Variants in GYS1 observed in about 807,000 individuals in gnomAD.
The protein encoded by GYS1 is glycogen synthase 1, also known as glycogen [starch] synthase, muscle.
Under a neutral mutation model 89.1 loss-of-function variants are expected in GYS1, and 60 were observed. The observed-to-expected ratio is 0.67, with a 90% CI of 0.55 to 0.84. The LOEUF is 0.84. Ranked by LOEUF, GYS1 falls within the 40% of genes least tolerant of loss-of-function variation. The pLI, the probability that GYS1 is intolerant of heterozygous loss-of-function variation, is 0.00. For synonymous variants in GYS1, 366 were observed against 401.7 expected (o/e 0.91, Z 1.06); for missense variants, 888 against 1,003.1 (o/e 0.89, Z 1.55).
chr19:48,970,171 T>C, intron 14 of GYS1: 1 of 474,544 alleles, frequency 2.1e-6, no homozygotes, highest in South Asian at 2.2e-5. Context: ...TACTCTAGGA[T>C]GGAGTGCAGT....
chr19:48,969,955 C>T, intron 14 of GYS1, 100 bp from the exon 15 acceptor site: 1 of 757,258 alleles, frequency 1.3e-6, no homozygotes, highest in Non-Finnish European at 2.4e-6. Context: ...CAGATGAGCA[C>T]ACTGCTGCAC....
chr19:48,990,011 G>C (rs1477586021), intron 2 of GYS1, among the ~76,000 whole-genome samples: 1 of 150,564 alleles, frequency 6.6e-6, no homozygotes, highest in East Asian at 2.0e-4. Flanking sequence ...GGGGGGGGGG[G>C]GGCTATTCTT....
intron 12 of GYS1, among the ~76,000 whole-genome samples, chr19:48,973,353 C>T (rs535261957): frequency 5.9e-5 from 9 of 151,322 alleles, no homozygotes; most frequent in Non-Finnish European, 1.3e-4. Flanking sequence ...GGTGTGAAAA[C>T]AGACTAGTAC....
At chr19:48,979,218 C>CACAAGTAAA (rs1330183459) in intron 8 of GYS1, among the ~76,000 whole-genome samples, 1 of 151,984 alleles carries the variant, frequency 6.6e-6, no homozygotes, top group African/African-American at 2.4e-5. Flanking sequence ...CACTTAGGCA[C>CACAAGTAAA]ACAAGTAAAG....
rs1042265 is a variant in GYS1 at position 48,968,563 on chromosome 19, G to C, written c.*725C>G. On this transcript the variant is annotated 3_prime_UTR_variant, in exon 16 of 16. Coordinates refer to ENST00000323798, the MANE Select transcript of GYS1 (RefSeq NM_002103.5). Reference sequence around the variant, plus strand: ...AAGAGTAGGATCTGGTCCAGAAAGGGCCAGAAAGACAGGAAGGCATCTGGA... The same window carrying C: ...AAGAGTAGGATCTGGTCCAGAAAGGCCCAGAAAGACAGGAAGGCATCTGGA... 2.2e-6 allele frequency: 1 copy of C among 454,290 alleles called. No homozygotes were observed. Among genetic ancestry groups the C allele is most frequent in the African/African-American group, 2.0e-5 (1 of 49,972 alleles). 28.1% of individuals were successfully genotyped at this position (454,290 alleles called of 1,614,324 possible).
At chr19:48,974,191 G>T (rs1186707470) in intron 12 of GYS1, 22 bp downstream of exon 12, 1 of 1,581,010 alleles carries the variant, frequency 6.3e-7, no homozygotes, top group Admixed American at 1.8e-5. Context: ...TGACCACGCT[G>T]TCCCCTGCCC....
intron 14 of GYS1, 43 bp from the exon 15 acceptor site, chr19:48,969,898 G>T (rs761406274): frequency 1.4e-6 from 2 of 1,405,164 alleles, no homozygotes; most frequent in South Asian, 2.3e-5. Flanking sequence ...TGAGAGCCAG[G>T]CCCCACCCCC....
At position 48,969,284 on chromosome 19, in the gene GYS1, G is replaced by A. The variant is rs755197848; in HGVS notation, c.*4C>T. 35 of 1,541,468 alleles carry A rather than the reference G, an allele frequency of 2.3e-5. No homozygotes were observed. Among genetic ancestry groups the A allele is most frequent in the African/African-American group, 2.7e-5 (2 of 73,158 alleles). Reference sequence around the variant, plus strand: ...GGACAGGCGGGGAGTGTGGTGGGGCGGACTTAGTTACGCTCCTCGCCCAGG... The same window carrying A: ...GGACAGGCGGGGAGTGTGGTGGGGCAGACTTAGTTACGCTCCTCGCCCAGG... On this transcript the variant is annotated 3_prime_UTR_variant, in exon 16 of 16. Transcript: ENST00000323798.
At chr19:48,984,880 C>G (rs1246840875) in intron 5 of GYS1, among the ~76,000 whole-genome samples, 1 of 151,396 alleles carries the variant, frequency 6.6e-6, no homozygotes, top group East Asian at 1.9e-4. Context: ...GACTCCGTCT[C>G]AAAAATAAAT....
chr19:48,973,491 C>T (rs1245145772), intron 12 of GYS1, among the ~76,000 whole-genome samples: 1 of 149,910 alleles, frequency 6.7e-6, no homozygotes, highest in Non-Finnish European at 1.5e-5. Context: ...GGAAATGGCA[C>T]TAATTTAGCT....
intron 14 of GYS1, chr19:48,970,159 G>C (rs1207779190): frequency 2.1e-6 from 1 of 487,416 alleles, no homozygotes; most frequent in African/African-American, 1.9e-5. Flanking sequence ...GTCTTGTTCT[G>C]TTACTCTAGG....
intron 6 of GYS1, 44 bp from the exon 7 acceptor site, chr19:48,982,419 G>A (rs758563569): frequency 2.3e-5 from 37 of 1,611,456 alleles, no homozygotes; most frequent in Non-Finnish European, 2.6e-5. Context: ...GCCCTCACCC[G>A]CTAGCCCTGG....
chr19:48,987,967 C>CT (rs1382003928), intron 2 of GYS1, among the ~76,000 whole-genome samples: 5 of 151,994 alleles, frequency 3.3e-5, no homozygotes, highest in Admixed American at 6.6e-5. Flanking sequence ...CGCCCGGCTA[C>CT]TTTTTTTTGT....
At chr19:48,986,837 G>A (rs1006854109) in intron 3 of GYS1, among the ~76,000 whole-genome samples, 4 of 152,126 alleles carry the variant, frequency 2.6e-5, no homozygotes. Flanking sequence ...CCTAGAAGGG[G>A]GTCAAAACCA....
Position 48,991,279 on chromosome 19 carries a change from C to A in GYS1, c.300+23G>T, listed in dbSNP as rs776444215. The A allele has an allele frequency of 6.2e-7, 1 of 1,612,116 alleles. No homozygotes were observed. Among genetic ancestry groups the A allele is most frequent in the East Asian group, 2.2e-5 (1 of 44,874 alleles). On this transcript the variant is annotated intron_variant, in intron 2 of 15. Coordinates refer to ENST00000323798, the MANE Select transcript of GYS1 (RefSeq NM_002103.5). The surrounding 1 kb of genome is among the most constrained non-coding windows in gnomAD (Gnocchi z 4.7). Reference sequence around the variant, plus strand: ...ATGGCAGGCTGTCCACCCGCTTCTGCCCTGGGCTGGGCCACGTCCCACCTT... The same window carrying A: ...ATGGCAGGCTGTCCACCCGCTTCTGACCTGGGCTGGGCCACGTCCCACCTT...
chr19:48,990,490 C>G (rs1016596937), intron 2 of GYS1, among the ~76,000 whole-genome samples: 3 of 152,164 alleles, frequency 2.0e-5, no homozygotes, highest in Non-Finnish European at 2.9e-5. Flanking sequence ...TCCATCCACC[C>G]TTCTCCCTTG....
intron 10 of GYS1, among the ~76,000 whole-genome samples, chr19:48,975,160 T>C (rs1292197670): frequency 2.6e-5 from 4 of 152,026 alleles, no homozygotes; most frequent in Admixed American, 6.6e-5. Flanking sequence ...CTAGATCTCC[T>C]GACCTCGTGA....
At chr19:48,987,014 T>C (rs764754680) in intron 3 of GYS1, among the ~76,000 whole-genome samples, 180 bp downstream of exon 3, 1 of 152,164 alleles carries the variant, frequency 6.6e-6, no homozygotes, top group Non-Finnish European at 1.5e-5. Flanking sequence ...GTAAATGAAG[T>C]TGGCATCGAG....
intron 11 of GYS1, 81 bp downstream of exon 11, chr19:48,974,539 A>T: frequency 1.9e-6 from 2 of 1,070,094 alleles, no homozygotes; most frequent in Non-Finnish European, 2.9e-6. Context: ...TAAAACTTAT[A>T]GGGGAATGGA....
Sources: allele counts gnomAD v4.1 joint callset (sites outside exome capture counted in the v4.1 genomes callset), GRCh38; gene constraint gnomAD v4.1.1; non-coding constraint Gnocchi (gnomAD v3.1); transcripts MANE v1.5; gene names NCBI Gene and HGNC (gene_info 2026-07-23, HGNC 2026-07-21).